TP73: variants seen among roughly 807,000 people sequenced by gnomAD.
TP73 encodes the protein p53-like transcription factor.
TP73 carries 25 observed loss-of-function variants against 62.5 expected under a neutral mutation model. The ratio of observed to expected loss-of-function variants is 0.40; its 90% CI spans 0.29 to 0.56. The LOEUF (loss-of-function observed/expected upper bound fraction) is 0.56, where lower values mean the gene tolerates loss of function less well. Ranked by LOEUF, TP73 falls within the 20% of genes least tolerant of loss-of-function variation. The probability of loss-of-function intolerance (pLI) is 0.46; values close to 1 mark genes in which losing one functional copy is unlikely to be tolerated. For missense variants in TP73, 754 were observed against 913.3 expected (o/e 0.83, Z 2.25); for synonymous variants, 423 against 377.5 (o/e 1.12, Z -1.40).
chr1:3,698,863 C>T (rs375100651), intron 3 of TP73, among the ~76,000 whole-genome samples: 25 of 152,192 alleles, frequency 1.6e-4, no homozygotes, highest in African/African-American at 4.8e-4. Flanking sequence ...CGGGCTCAGC[C>T]GCTGCGGGCA....
intron 4 of TP73, among the ~76,000 whole-genome samples, chr1:3,711,472 G>A: frequency 6.6e-6 from 1 of 152,272 alleles, no homozygotes; most frequent in East Asian, 1.9e-4. Flanking sequence ...TGTCAGAACA[G>A]CCCGACGCGA....
chr1:3,723,349 G>A lies in TP73; in HGVS notation c.617-5G>A, dbSNP rs1050877937. On this transcript the variant is annotated splice_region_variant and splice_polypyrimidine_tract_variant and intron_variant, in intron 5 of 13. Transcript: ENST00000378295. ...CCTCTCTGAAGTGTCGACCCCTCCC[G>A]GCAGGACAGTCTGCTCCAGCCAGCC... The A allele has an allele frequency of 4.0e-5, 65 of 1,611,776 alleles. No homozygotes were observed. The highest frequency in any genetic ancestry group is 8.9e-5 in the East Asian group (4 of 44,884).
At position 3,690,554 on chromosome 1, in the gene TP73, C is replaced by A. The variant is rs1333422243; in HGVS notation, c.186+7374C>A. ...GAGCCGGCGCTGACCGGCGTCCCCG[C>A]CCTCCCCACGCAGCCTCCTTGGTGC... On this transcript the variant is annotated intron_variant, in intron 3 of 13. Coordinates refer to ENST00000378295, the MANE Select transcript of TP73 (RefSeq NM_005427.4). The A allele has an allele frequency of 3.8e-6, 4 of 1,061,744 alleles. No homozygotes were observed. In the East Asian group the frequency reaches 2.3e-4, roughly 61 times the overall value. The allele number at this position is 1,061,744 out of a possible 1,614,324, so 65.8% of individuals were successfully genotyped here.
chr1:3,710,815 A>T (rs1640080387), intron 4 of TP73, among the ~76,000 whole-genome samples: 1 of 152,232 alleles, frequency 6.6e-6, no homozygotes, highest in African/African-American at 2.4e-5. Context: ...GCACACGCAG[A>T]CACATGTAAA....
rs188761375 is a variant in TP73, at chr1:3,713,256, C to T, written c.429+5465C>T. Reference sequence around the variant, plus strand: ...TATCACTGGAGTGCTCCGAGGCTGGCGAGCCTCATGGGCGAGAAGCCAGGC... The same window carrying T: ...TATCACTGGAGTGCTCCGAGGCTGGTGAGCCTCATGGGCGAGAAGCCAGGC... On this transcript the variant is annotated intron_variant, in intron 4 of 13. Transcript: ENST00000378295. 4.8e-3 allele frequency among the ~76,000 whole-genome samples: 728 copies of T among 152,290 alleles called. 9 individuals carry two copies. The highest frequency in any genetic ancestry group is 0.016 in the African/African-American group (682 of 41,556).
At chr1:3,679,819 GTCTCTGTC>G (rs1440928856) in intron 1 of TP73, among the ~76,000 whole-genome samples, 3 of 140,872 alleles carry the variant, frequency 2.1e-5, no homozygotes, top group East Asian at 4.3e-4. Flanking sequence ...CTCTGTCTCT[GTCTCTGTC>G]TCTCTTTGTC....
At chr1:3,728,609 G>C (rs970917388) in intron 9 of TP73, among the ~76,000 whole-genome samples, 1 of 152,218 alleles carries the variant, frequency 6.6e-6, no homozygotes, top group African/African-American at 2.4e-5. Context: ...GCCTCCAACA[G>C]GTGAATTAAA....
At chr1:3,692,330 C>G (rs546190544) in intron 3 of TP73, among the ~76,000 whole-genome samples, 1 of 152,298 alleles carries the variant, frequency 6.6e-6, no homozygotes, top group South Asian at 2.1e-4. Flanking sequence ...GCCCCACAGC[C>G]TGCCCAGATG....
intron 3 of TP73, among the ~76,000 whole-genome samples, chr1:3,693,132 C>CG (rs1557519341): frequency 6.6e-6 from 1 of 151,896 alleles, no homozygotes; most frequent in African/African-American, 2.4e-5. Flanking sequence ...TCTTCCCTCT[C>CG]GGGGGGAGGT....
At chr1:3,671,301 T>C (rs147158713) in intron 1 of TP73, among the ~76,000 whole-genome samples, 61 of 152,264 alleles carry the variant, frequency 4.0e-4, no homozygotes, top group African/African-American at 1.2e-3. Context: ...CTAGGATCCA[T>C]TGTGACCTTG....
intron 3 of TP73, among the ~76,000 whole-genome samples, chr1:3,684,670 C>G (rs1051291758): frequency 6.6e-6 from 1 of 152,156 alleles, no homozygotes; most frequent in Non-Finnish European, 1.5e-5. Context: ...GAGAAGGCAC[C>G]TCCTTGGGCA....
At chr1:3,674,363 C>T (rs1044677929) in intron 1 of TP73, among the ~76,000 whole-genome samples, 16 of 152,358 alleles carry the variant, frequency 1.1e-4, no homozygotes, top group Admixed American at 3.9e-4. Context: ...ACACGGTGCA[C>T]GCTACCCCAC....
At chr1:3,687,180 C>T (rs1434240176) in intron 3 of TP73, among the ~76,000 whole-genome samples, 1 of 152,174 alleles carries the variant, frequency 6.6e-6, no homozygotes, top group Non-Finnish European at 1.5e-5. Flanking sequence ...CCCCGTTCTG[C>T]AAGAGGAGAG....
At chr1:3,720,248 C>T (rs1640960976) in intron 4 of TP73, among the ~76,000 whole-genome samples, 1 of 152,202 alleles carries the variant, frequency 6.6e-6, no homozygotes, top group South Asian at 2.1e-4. Context: ...CGCCCAGCCT[C>T]CCCTGCAGGG....
At chr1:3,697,505 C>T (rs563377820) in intron 3 of TP73, among the ~76,000 whole-genome samples, 90 of 152,314 alleles carry the variant, frequency 5.9e-4, no homozygotes, top group Non-Finnish European at 5.4e-4. Context: ...CTTGCCTGGA[C>T]GCCAGCCCTG....
Position 3,696,953 on chromosome 1 carries a change from C to A in TP73, c.187-10596C>A, listed in dbSNP as rs988081217. Among the ~76,000 whole-genome samples, 15 of 152,144 alleles carry A rather than the reference C, an allele frequency of 9.9e-5. No homozygotes were observed. Among genetic ancestry groups the A allele is most frequent in the African/African-American group, 3.4e-4 (14 of 41,420 alleles). On this transcript the variant is annotated intron_variant, in intron 3 of 13. Coordinates refer to ENST00000378295, the MANE Select transcript of TP73 (RefSeq NM_005427.4). This position sits in a 1 kb window ranked among gnomAD's most constrained non-coding sequence, Gnocchi z 4.1. ...CTTTGTTCTGTCCCCCATTGGACCT[C>A]CCCCCAGTCACCAGCCTAATAGGAC...
rs1442586946 is a variant in TP73, at chr1:3,670,618, A to G, written c.-33-11715A>G. On this transcript the variant is annotated intron_variant, in intron 1 of 13. Coordinates refer to ENST00000378295, the MANE Select transcript of TP73 (RefSeq NM_005427.4). This position sits in a 1 kb window ranked among gnomAD's most constrained non-coding sequence, Gnocchi z 5.9. ...AAGGCGGAGGTTGCAGTGAGCTGAGATCGTACCACTGCACTCCAGCCTGGG... is the reference window on the plus strand; with the variant it reads ...AAGGCGGAGGTTGCAGTGAGCTGAGGTCGTACCACTGCACTCCAGCCTGGG... Among the ~76,000 whole-genome samples, 1 of 152,072 alleles carries G rather than the reference A, an allele frequency of 6.6e-6. No homozygotes were observed. The highest frequency in any genetic ancestry group is 1.5e-5 in the Non-Finnish European group (1 of 68,022).
intron 3 of TP73, chr1:3,690,936 C>G: frequency 6.3e-7 from 1 of 1,579,670 alleles, no homozygotes; most frequent in African/African-American, 1.3e-5. Context: ...CGCACGGCAC[C>G]TCGCCACGGT....
chr1:3,720,665 C>G (rs956719337), intron 4 of TP73, among the ~76,000 whole-genome samples: 1 of 152,262 alleles, frequency 6.6e-6, no homozygotes, highest in Non-Finnish European at 1.5e-5. Flanking sequence ...TCCCCTGTCT[C>G]TTTCCTTTTT....
Sources: allele counts gnomAD v4.1 joint callset (sites outside exome capture counted in the v4.1 genomes callset), GRCh38; gene constraint gnomAD v4.1.1; non-coding constraint Gnocchi (gnomAD v3.1); transcripts MANE v1.5; gene names NCBI Gene and HGNC (gene_info 2026-07-23, HGNC 2026-07-21).